RAPGEF4: variants seen among roughly 807,000 people sequenced by gnomAD.
The protein encoded by RAPGEF4 is RAP guanine-nucleotide-exchange factor (GEF) 4.
In RAPGEF4, 66 loss-of-function variants were observed where a neutral mutation model predicts 147.9. The observed-to-expected ratio is 0.45, with a 90% CI of 0.37 to 0.55. RAPGEF4 has a LOEUF of 0.55. RAPGEF4 is among the 20% of genes least tolerant of loss of function. The pLI is 0.00. For missense variants in RAPGEF4, 1,071 were observed against 1,257.3 expected, an observed-to-expected ratio of 0.85 and a Z score of 2.24; for synonymous variants, 419 against 442.7, an observed-to-expected ratio of 0.95 and a Z score of 0.67.
chr2:172,929,384 A>G (rs1685691372), intron 6 of RAPGEF4, among the ~76,000 whole-genome samples: 1 of 152,210 alleles, frequency 6.6e-6, no homozygotes, highest in Non-Finnish European at 1.5e-5. Flanking sequence ...TGACAGATAA[A>G]TGCACATATA....
At chr2:172,792,945 C>G (rs541293851) in intron 1 of RAPGEF4, among the ~76,000 whole-genome samples, 1 of 152,298 alleles carries the variant, frequency 6.6e-6, no homozygotes, top group East Asian at 1.9e-4. Context: ...GCTGCTGGAA[C>G]AAGATACCAC....
intron 1 of RAPGEF4, among the ~76,000 whole-genome samples, chr2:172,791,660 TG>T (rs1047922680): frequency 1.3e-5 from 2 of 152,268 alleles, no homozygotes; most frequent in Non-Finnish European, 1.5e-5. Context: ...GGGCCTAATT[TG>T]GGGGCACACA....
chr2:172,950,240 G>T (rs1041574521), intron 6 of RAPGEF4, among the ~76,000 whole-genome samples: 2 of 152,192 alleles, frequency 1.3e-5, no homozygotes, highest in Non-Finnish European at 2.9e-5. Flanking sequence ...TGATGAGGGC[G>T]GTAGGGGAGG....
chr2:172,791,340 G>A (rs917881649), intron 1 of RAPGEF4, among the ~76,000 whole-genome samples: 5 of 152,206 alleles, frequency 3.3e-5, no homozygotes, highest in African/African-American at 1.2e-4. Context: ...TCAGTTTGAG[G>A]TCGCTGTAGA....
At chr2:172,862,600 G>A (rs1326576501) in intron 4 of RAPGEF4, among the ~76,000 whole-genome samples, 1 of 152,098 alleles carries the variant, frequency 6.6e-6, no homozygotes, top group Non-Finnish European at 1.5e-5. Flanking sequence ...TATGATAACG[G>A]CAAGTCTGTC....
intron 4 of RAPGEF4, chr2:172,917,553 A>T (rs1684202545): frequency 1.5e-6 from 1 of 671,184 alleles, no homozygotes. Context: ...GCAGCCACAG[A>T]TATATAAATG....
At chr2:172,871,120 A>T (rs956423845) in intron 4 of RAPGEF4, among the ~76,000 whole-genome samples, 9 of 152,180 alleles carry the variant, frequency 5.9e-5, no homozygotes, top group Non-Finnish European at 1.2e-4. Context: ...TCTTCTCCTC[A>T]TAGGGTTGTT....
intron 23 of RAPGEF4, among the ~76,000 whole-genome samples, chr2:173,025,979 C>T (rs3769220): frequency 0.76 from 115,999 of 152,064 alleles, 46,984 homozygotes; most frequent in Non-Finnish European, 0.89. Context: ...AACACCATAA[C>T]CATGCGAATA....
intron 3 of RAPGEF4, among the ~76,000 whole-genome samples, chr2:172,800,134 A>G (rs1259386139): frequency 1.3e-5 from 2 of 152,194 alleles, no homozygotes; most frequent in Admixed American, 6.5e-5. Flanking sequence ...GAGTTAATTT[A>G]ATACCAAAGC....
intron 4 of RAPGEF4, among the ~76,000 whole-genome samples, chr2:172,819,659 G>T (rs1381742041): frequency 1.3e-5 from 2 of 151,278 alleles, no homozygotes; most frequent in Non-Finnish European, 3.0e-5. Context: ...TAGAGACGGG[G>T]TTTCACCGTT....
intron 4 of RAPGEF4, 99 bp downstream of exon 4, chr2:172,814,524 G>C: frequency 2.2e-6 from 3 of 1,394,800 alleles, no homozygotes; most frequent in Non-Finnish European, 3.0e-6. Context: ...AATGTGTTCT[G>C]TTCTGAGCTG....
chr2:172,896,943 A>G (rs1204097915), intron 4 of RAPGEF4, among the ~76,000 whole-genome samples: 1 of 152,150 alleles, frequency 6.6e-6, no homozygotes, highest in Non-Finnish European at 1.5e-5. Flanking sequence ...CTTGGCATGC[A>G]GTGTTCCTGT....
chr2:172,985,688 G>A (rs902566040), intron 12 of RAPGEF4, among the ~76,000 whole-genome samples, 195 bp downstream of exon 12: 10 of 152,114 alleles, frequency 6.6e-5, no homozygotes, highest in African/African-American at 1.7e-4. Context: ...CTGAAGTATC[G>A]TGGTTTTCTA....
intron 3 of RAPGEF4, among the ~76,000 whole-genome samples, chr2:172,803,215 G>A (rs761392748): frequency 2.2e-4 from 34 of 152,144 alleles, no homozygotes; most frequent in Admixed American, 1.2e-3. Context: ...TTTCCCTTCC[G>A]CACTGCCCTA....
intron 4 of RAPGEF4, among the ~76,000 whole-genome samples, chr2:172,872,297 T>C (rs932516644): frequency 6.6e-6 from 1 of 152,216 alleles, no homozygotes; most frequent in Admixed American, 6.5e-5. Context: ...CTTTTTAAGA[T>C]ATATGACTGA....
Position 172,902,295 on chromosome 2 carries a change from C to CTTTATTTATTTATTTATTTA in RAPGEF4, c.445-15499_445-15480dup, listed in dbSNP as rs10678095. On this transcript the variant is annotated intron_variant, in intron 4 of 30. Coordinates refer to ENST00000397081, the MANE Select transcript of RAPGEF4 (RefSeq NM_007023.4). ...TGGAGCCCATGTCTGCCTGGATCTT[C>CTTTATTTATTTATTTATTTA]TTTATTTATTTATTTATTTATTTAT... Among the ~76,000 whole-genome samples, 16 of 148,442 alleles carry CTTTATTTATTTATTTATTTA rather than the reference C, an allele frequency of 1.1e-4. No individual in the cohort carries two copies. In the East Asian group the frequency reaches 2.0e-3, roughly 19 times the overall value.
chr2:172,828,604 G>C (rs1477675239), intron 4 of RAPGEF4, among the ~76,000 whole-genome samples: 1 of 152,138 alleles, frequency 6.6e-6, no homozygotes, highest in African/African-American at 2.4e-5. Flanking sequence ...AGAACTGAAG[G>C]TCAAACTCTT....
intron 4 of RAPGEF4, among the ~76,000 whole-genome samples, chr2:172,830,535 T>C (rs1574973298): frequency 6.6e-6 from 1 of 152,294 alleles, no homozygotes; most frequent in African/African-American, 2.4e-5. Context: ...ACTGGACAAC[T>C]TCAGATGATG....
At chr2:173,017,607 C>A in intron 21 of RAPGEF4, 103 bp downstream of exon 21, 1 of 1,105,952 alleles carries the variant, frequency 9.0e-7, no homozygotes, top group South Asian at 1.5e-5. Context: ...TTGAAGATGC[C>A]CTGTTGCCCT....
Sources: gnomAD v4.1 joint callset for allele counts (sites outside exome capture counted in the v4.1 genomes callset) on GRCh38, gnomAD v4.1.1 for gene constraint, MANE v1.5 for transcripts, NCBI Gene and HGNC (gene_info 2026-07-23, HGNC 2026-07-21) for gene names.